SH3GL3: variants seen among roughly 807,000 people sequenced by gnomAD.
The protein encoded by SH3GL3 is endophilin-A3.
SH3GL3 carries 33 observed loss-of-function variants against 47.7 expected under a neutral mutation model. The ratio of observed to expected loss-of-function variants is 0.69; its 90% confidence interval spans 0.52 to 0.92. The LOEUF (loss-of-function observed/expected upper bound fraction) is 0.92, where lower values mean the gene tolerates loss of function less well. SH3GL3 is among the 40% of genes least tolerant of loss of function. The pLI is 0.00. For missense variants in SH3GL3, 363 were observed against 417.8 expected, an observed-to-expected ratio of 0.87 and a Z score of 1.14; for synonymous variants, 155 against 148.8, an observed-to-expected ratio of 1.04 and a Z score of -0.30.
At chr15:83,499,559 G>A (rs1026149569) in intron 1 of SH3GL3, among the ~76,000 whole-genome samples, 1 of 152,094 alleles carries the variant, frequency 6.6e-6, no homozygotes, top group African/African-American at 2.4e-5. Context: ...TAGTCATCCA[G>A]TTCTCACAGA....
At chr15:83,630,359 T>C in the SH3GL3 span, among the ~76,000 whole-genome samples, 1 of 152,318 alleles carries the variant, frequency 6.6e-6, no homozygotes, top group African/African-American at 2.4e-5. Flanking sequence ...TAAACATTTT[T>C]GCTCCTCTAA....
chr15:83,590,158 G>A (rs755546384), intron 8 of SH3GL3, among the ~76,000 whole-genome samples: 1 of 152,116 alleles, frequency 6.6e-6, no homozygotes, highest in Non-Finnish European at 1.5e-5. Flanking sequence ...CTTTCCATAT[G>A]AGGATATTAA....
chr15:83,541,646 A>G (rs771383945), intron 1 of SH3GL3, among the ~76,000 whole-genome samples: 9 of 152,142 alleles, frequency 5.9e-5, no homozygotes, highest in Non-Finnish European at 8.8e-5. Context: ...TCTTTTGGAT[A>G]AAAGCCATTT....
At chr15:83,569,398 T>C (rs1000890280) in intron 4 of SH3GL3, among the ~76,000 whole-genome samples, 8 of 152,246 alleles carry the variant, frequency 5.3e-5, no homozygotes, top group Non-Finnish European at 1.2e-4. Context: ...GTCAATCCCA[T>C]TTACTAAATA....
intron 1 of SH3GL3, among the ~76,000 whole-genome samples, chr15:83,557,159 G>T (rs1228719049): frequency 6.6e-6 from 1 of 152,166 alleles, no homozygotes; most frequent in Non-Finnish European, 1.5e-5. Context: ...ACTCTACCAT[G>T]GCAACAAAAC....
At chr15:83,557,311 T>C (rs1469782850) in intron 1 of SH3GL3, among the ~76,000 whole-genome samples, 1 of 152,238 alleles carries the variant, frequency 6.6e-6, no homozygotes, top group Non-Finnish European at 1.5e-5. Context: ...GAGAGTTAAC[T>C]GATGGACACA....
chr15:83,447,513 C>A lies in SH3GL3; in HGVS notation c.-21C>A, dbSNP rs767755603. ...CCAGCCGAGCCTTGAGACCACCCCG[C>A]CCCTGCCGGTCGCAGTCGCGATGTC... is the stretch of plus-strand genomic sequence containing the variant. On this transcript the variant is annotated 5_prime_UTR_variant, in exon 1 of 9. Coordinates refer to ENST00000427482, the MANE Select transcript of SH3GL3 (RefSeq NM_003027.5). This position sits in a 1 kb window ranked among gnomAD's most constrained non-coding sequence, Gnocchi z 5.1. 1 of 1,498,322 alleles carries A rather than the reference C, an allele frequency of 6.7e-7. No homozygotes were observed. Among genetic ancestry groups the A allele is most frequent in the Admixed American group, 2.2e-5 (1 of 44,542 alleles). 92.8% of individuals were successfully genotyped at this position (1,498,322 alleles called of 1,614,324 possible). A position where few individuals can be genotyped will look rare whatever the true frequency, so the allele number is the denominator to read the frequency against.
chr15:83,627,614 T>G, the SH3GL3 span, among the ~76,000 whole-genome samples: 1 of 152,140 alleles, frequency 6.6e-6, no homozygotes, highest in Non-Finnish European at 1.5e-5. Flanking sequence ...TTTTATGGTA[T>G]GTCTGGTCCT....
intron 1 of SH3GL3, among the ~76,000 whole-genome samples, chr15:83,557,383 T>C (rs2045016650): frequency 1.3e-5 from 2 of 152,254 alleles, no homozygotes; most frequent in Admixed American, 6.5e-5. Context: ...TTGGAAGTTA[T>C]GCCTTGTATC....
intron 1 of SH3GL3, among the ~76,000 whole-genome samples, chr15:83,553,434 T>C (rs998825392): frequency 2.6e-5 from 4 of 152,202 alleles, no homozygotes; most frequent in African/African-American, 9.7e-5. Flanking sequence ...TGATCATTAC[T>C]GATCTATTTA....
chr15:83,599,688 T>C (rs2060330466), intron 8 of SH3GL3, among the ~76,000 whole-genome samples: 1 of 152,178 alleles, frequency 6.6e-6, no homozygotes. Flanking sequence ...TAATGACTTC[T>C]TTTTCCTCTG....
At chr15:83,506,343 A>G (rs1252369110) in intron 1 of SH3GL3, among the ~76,000 whole-genome samples, 2 of 152,126 alleles carry the variant, frequency 1.3e-5, no homozygotes, top group African/African-American at 4.8e-5. Context: ...ACCTCTTCCT[A>G]CTGTAAATGC....
chr15:83,572,262 A>G (rs2045857146), intron 4 of SH3GL3, among the ~76,000 whole-genome samples: 1 of 152,186 alleles, frequency 6.6e-6, no homozygotes, highest in Non-Finnish European at 1.5e-5. Context: ...CAGTTTCCCA[A>G]ATTACCAGTT....
intron 1 of SH3GL3, among the ~76,000 whole-genome samples, chr15:83,483,497 A>G (rs1230432408): frequency 6.6e-6 from 1 of 152,226 alleles, no homozygotes; most frequent in East Asian, 1.9e-4. Context: ...GTGGCTATGT[A>G]TTAGATAGCA....
At chr15:83,591,990 A>G (rs1381230833) in intron 8 of SH3GL3, among the ~76,000 whole-genome samples, 2 of 152,160 alleles carry the variant, frequency 1.3e-5, no homozygotes, top group Non-Finnish European at 2.9e-5. Flanking sequence ...TACATTTTTA[A>G]AAAAAACATG....
At chr15:83,539,423 C>G (rs2044059464) in intron 1 of SH3GL3, among the ~76,000 whole-genome samples, 1 of 152,164 alleles carries the variant, frequency 6.6e-6, no homozygotes, top group African/African-American at 2.4e-5. Context: ...CCTCCATGGC[C>G]TATCATCTTC....
intron 5 of SH3GL3, among the ~76,000 whole-genome samples, chr15:83,574,444 G>A (rs554540431): frequency 6.6e-6 from 1 of 152,128 alleles, no homozygotes; most frequent in Admixed American, 6.5e-5. Flanking sequence ...CACCTCCTCA[G>A]GGCCGTTGTG....
At chr15:83,509,060 G>A (rs1300209932) in intron 1 of SH3GL3, among the ~76,000 whole-genome samples, 1 of 152,254 alleles carries the variant, frequency 6.6e-6, no homozygotes, top group Non-Finnish European at 1.5e-5. Context: ...TACCTACATC[G>A]GGCATTTTAG....
intron 1 of SH3GL3, among the ~76,000 whole-genome samples, chr15:83,489,980 T>A (rs953915929): frequency 2.5e-4 from 38 of 152,180 alleles, no homozygotes; most frequent in African/African-American, 7.2e-4. Flanking sequence ...GATAGATCAA[T>A]AGATAGATAA....
Sources: allele counts gnomAD v4.1 joint callset (sites outside exome capture counted in the v4.1 genomes callset), GRCh38; gene constraint gnomAD v4.1.1; non-coding constraint Gnocchi (gnomAD v3.1); transcripts MANE v1.5; gene names NCBI Gene and HGNC (gene_info 2026-07-23, HGNC 2026-07-21).